The following CDKL4 variants were observed in gnomAD, a reference collection of about 807,000 sequenced individuals.
CDKL4 encodes cyclin-dependent kinase-like 4.
In CDKL4, 44 loss-of-function variants were observed where a neutral mutation model predicts 42.0. That is an observed-to-expected ratio of 1.05 (90% confidence interval 0.82 to 1.35). The LOEUF (loss-of-function observed/expected upper bound fraction) is 1.35. Ranked by LOEUF, CDKL4 falls within the 40% of genes most tolerant of loss-of-function variation. The pLI is 0.00. For synonymous variants in CDKL4, 120 were observed against 121.6 expected (o/e 0.99, Z 0.09); for missense variants, 393 against 369.9 (o/e 1.06, Z -0.51).
intron 5 of CDKL4, among the ~76,000 whole-genome samples, chr2:39,196,936 G>T (rs991099767): frequency 6.6e-6 from 1 of 152,062 alleles, no homozygotes; most frequent in East Asian, 1.9e-4. Context: ...ACTTCCAAAA[G>T]ATCACACTAA....
chr2:39,212,109 C>A (rs780803782), intron 4 of CDKL4, among the ~76,000 whole-genome samples: 6 of 152,198 alleles, frequency 3.9e-5, no homozygotes, highest in Admixed American at 6.5e-5. Context: ...TCTTGGGGCC[C>A]TACCCAAGAC....
intron 4 of CDKL4, among the ~76,000 whole-genome samples, chr2:39,212,315 G>A (rs868117700): frequency 1.7e-4 from 25 of 150,584 alleles, no homozygotes; most frequent in Middle Eastern, 3.4e-3. Context: ...CTCACTGCAA[G>A]CTCCGCCTCC....
At chr2:39,183,944 C>A (rs534233307) in intron 8 of CDKL4, among the ~76,000 whole-genome samples, 2 of 152,138 alleles carry the variant, frequency 1.3e-5, no homozygotes, top group Non-Finnish European at 2.9e-5. Context: ...ATGGCCCCAC[C>A]GTCTAGATCA....
At chr2:39,199,601 C>T (rs528236128) in intron 5 of CDKL4, among the ~76,000 whole-genome samples, 1 of 152,264 alleles carries the variant, frequency 6.6e-6, no homozygotes, top group South Asian at 2.1e-4. Context: ...AAAATACTAG[C>T]TAACCAAATC....
chr2:39,189,953 G>T (rs1285541214), intron 6 of CDKL4, among the ~76,000 whole-genome samples: 1 of 152,152 alleles, frequency 6.6e-6, no homozygotes, highest in Admixed American at 6.5e-5. Context: ...TTTTACAGTG[G>T]ACAGAAATTG....
rs950632877 is a variant in CDKL4 at position 39,179,026 on chromosome 2, T to G, written c.927+161A>C. On this transcript the variant is annotated intron_variant, in intron 9 of 9. Transcript: ENST00000451199. ...CTTGATATTTTCATAGTTCTATGGT[T>G]TTATTACATCAATTACCAATATTTA... is the stretch of plus-strand genomic sequence containing the variant. The G allele has an allele frequency of 2.0e-6, 3 of 1,474,854 alleles. No homozygotes were observed. In the African/African-American group the frequency reaches 4.2e-5, roughly 21 times the overall value. The allele number at this position is 1,474,854 out of a possible 1,614,324, so 91.4% of individuals were successfully genotyped here. A position where few individuals can be genotyped will look rare whatever the true frequency, so the allele number is the denominator to read the frequency against.
At chr2:39,185,512 T>C (rs1408538919) in intron 7 of CDKL4, among the ~76,000 whole-genome samples, 1 of 145,798 alleles carries the variant, frequency 6.9e-6, no homozygotes, top group Non-Finnish European at 1.5e-5. Flanking sequence ...CAGGCTGGAG[T>C]GCAGTGGCAG....
chr2:39,192,773 C>T (rs2148308187), intron 5 of CDKL4, among the ~76,000 whole-genome samples: 1 of 152,194 alleles, frequency 6.6e-6, no homozygotes, highest in Non-Finnish European at 1.5e-5. Flanking sequence ...TATTTTGTCA[C>T]TATAAATAAC....
intron 1 of CDKL4, among the ~76,000 whole-genome samples, chr2:39,235,525 G>C (rs959844094): frequency 6.6e-6 from 1 of 152,150 alleles, no homozygotes; most frequent in Non-Finnish European, 1.5e-5. Context: ...CCTGAGGATT[G>C]ATTGAGCTCA....
At chr2:39,176,726 C>A (rs577068430) in intron 9 of CDKL4, among the ~76,000 whole-genome samples, 1 of 152,322 alleles carries the variant, frequency 6.6e-6, no homozygotes, top group South Asian at 2.1e-4. Flanking sequence ...GGGCCACCCA[C>A]CTGGCCTCAA....
rs145033516 is a variant in CDKL4 at position 39,217,701 on chromosome 2, A to ATTAT, written c.291-4233_291-4230dup. Among the ~76,000 whole-genome samples the ATTAT allele has an allele frequency of 6.1e-3, 901 of 147,810 alleles. 5 individuals are homozygous for ATTAT. The highest frequency in any genetic ancestry group is 0.012 in the South Asian group (56 of 4,616). On this transcript the variant is annotated intron_variant, in intron 3 of 9. Transcript: ENST00000451199. Reference sequence around the variant, plus strand: ...TCTCTGAACATGCCAGGCTTATTTTATTATTTATTTATTTATTTATTTATT... The same window carrying ATTAT: ...TCTCTGAACATGCCAGGCTTATTTTATTATTTATTTATTTATTTATTTATTTATT...
intron 6 of CDKL4, 96 bp downstream of exon 6, chr2:39,190,209 C>G: frequency 1.1e-6 from 1 of 884,262 alleles, no homozygotes; most frequent in Non-Finnish European, 1.6e-6. Flanking sequence ...CAATAAAACT[C>G]TTGTTTTTTA....
intron 3 of CDKL4, among the ~76,000 whole-genome samples, chr2:39,216,547 C>T (rs181772770): frequency 3.3e-4 from 51 of 152,274 alleles, no homozygotes; most frequent in African/African-American, 1.1e-3. Flanking sequence ...AACATACATA[C>T]AGAGAGAGAA....
intron 5 of CDKL4, among the ~76,000 whole-genome samples, chr2:39,195,594 A>G (rs868602201): frequency 2.6e-5 from 4 of 151,190 alleles, no homozygotes; most frequent in South Asian, 2.1e-4. Flanking sequence ...CTTATTGGCC[A>G]TTCGTATAGC....
intron 5 of CDKL4, among the ~76,000 whole-genome samples, chr2:39,191,977 C>T (rs1042511295): frequency 6.6e-6 from 1 of 152,188 alleles, no homozygotes; most frequent in African/African-American, 2.4e-5. Context: ...CAGAAAGTAG[C>T]GGCTACAGCT....
chr2:39,228,405 A>C (rs901301994), intron 2 of CDKL4, among the ~76,000 whole-genome samples: 1 of 152,224 alleles, frequency 6.6e-6, no homozygotes, highest in African/African-American at 2.4e-5. Flanking sequence ...TGTGGGAAAT[A>C]ATATTTGAAA....
intron 4 of CDKL4, among the ~76,000 whole-genome samples, chr2:39,211,393 T>C (rs1403331780): frequency 6.6e-6 from 1 of 152,048 alleles, no homozygotes; most frequent in African/African-American, 2.4e-5. Flanking sequence ...CCCAAAAATA[T>C]AATGATATAT....
At chr2:39,243,877 C>A (rs1679790740) in exon 1 of CDKL4, among the ~76,000 whole-genome samples, 1 of 152,274 alleles carries the variant, frequency 6.6e-6, no homozygotes, top group South Asian at 2.1e-4. Context: ...TTACTGCACC[C>A]ACAGGGCGAC....
chr2:39,199,569 C>T (rs1558558740), intron 5 of CDKL4, among the ~76,000 whole-genome samples: 1 of 152,092 alleles, frequency 6.6e-6, no homozygotes, highest in Non-Finnish European at 1.5e-5. Flanking sequence ...CCTTGATGAA[C>T]ATAGATGCAA....
Sources: allele counts gnomAD v4.1 joint callset (sites outside exome capture counted in the v4.1 genomes callset), GRCh38; gene constraint gnomAD v4.1.1; transcripts MANE v1.5; gene names NCBI Gene and HGNC (gene_info 2026-07-23, HGNC 2026-07-21).